KCNIP3: variants seen among roughly 807,000 people sequenced by gnomAD.
KCNIP3 encodes calsenilin.
A neutral mutation model predicts 35.0 loss-of-function variants in KCNIP3; 28 were observed. The ratio of observed to expected loss-of-function variants is 0.80; its 90% CI spans 0.59 to 1.10. The LOEUF is 1.10. KCNIP3 is among the 50% of genes least tolerant of loss of function. KCNIP3 has a pLI of 0.00. For synonymous variants in KCNIP3, 134 were observed against 133.8 expected, an observed-to-expected ratio of 1.00 and a Z score of -0.01; for missense variants, 295 against 338.4, an observed-to-expected ratio of 0.87 and a Z score of 1.01.
intron 1 of KCNIP3, among the ~76,000 whole-genome samples, chr2:95,301,798 G>GGTGGACAGCCCAGCTCTCCT (rs368733698): frequency 2.6e-5 from 4 of 152,274 alleles, no homozygotes; most frequent in South Asian, 2.1e-4. Context: ...TCAGAGCAGG[G>GGTGGACAGCCCAGCTCTCCT]GTGGACAGCC....
chr2:95,375,242 C>CAACCACAGGGGCAGGA, intron 5 of KCNIP3, 34 bp downstream of exon 5: 1 of 1,593,132 alleles, frequency 6.3e-7, no homozygotes. Context: ...ACGTGTCCTG[C>CAACCACAGGGGCAGGA]CCCTGTGGTT....
chr2:95,325,938 CAT>C (rs1678756592), intron 2 of KCNIP3, among the ~76,000 whole-genome samples: 1 of 151,570 alleles, frequency 6.6e-6, no homozygotes, highest in Non-Finnish European at 1.5e-5. Flanking sequence ...TACACATACA[CAT>C]ACACACTCAC....
intron 2 of KCNIP3, among the ~76,000 whole-genome samples, chr2:95,362,685 G>A (rs1470536843): frequency 6.6e-6 from 1 of 152,150 alleles, no homozygotes; most frequent in Non-Finnish European, 1.5e-5. Context: ...AGCTCAGGCA[G>A]GAATGCGAGC....
intron 2 of KCNIP3, among the ~76,000 whole-genome samples, chr2:95,332,001 C>T (rs1573495966): frequency 6.6e-6 from 1 of 152,234 alleles, no homozygotes. Flanking sequence ...GCGGACTTTT[C>T]TGGTCATCCC....
intron 2 of KCNIP3, among the ~76,000 whole-genome samples, chr2:95,352,505 A>G (rs1391746320): frequency 6.6e-6 from 1 of 152,092 alleles, no homozygotes. Context: ...AAGACCCAGC[A>G]CTGGACTTAG....
chr2:95,369,502 T>TCTATAAA (rs1679991109), intron 2 of KCNIP3, among the ~76,000 whole-genome samples: 1 of 152,238 alleles, frequency 6.6e-6, no homozygotes, highest in Admixed American at 6.5e-5. Context: ...TTGTTGAATT[T>TCTATAAA]GTGTGTGAAG....
rs917435027 is a variant in KCNIP3 at position 95,382,736 on chromosome 2, A to G, written c.660+255A>G. 1.3e-5 allele frequency among the ~76,000 whole-genome samples: 2 copies of G among 152,304 alleles called. No homozygotes were observed. Among genetic ancestry groups the G allele is most frequent in the African/African-American group, 4.8e-5 (2 of 41,586 alleles). ...GCAGCTGACCCTGGGCCGGAGCTCC[A>G]TGCCTCCTGAGAGCTGTGTGGCTCC... On this transcript the variant is annotated intron_variant, in intron 7 of 8. Coordinates refer to ENST00000295225, the MANE Select transcript of KCNIP3 (RefSeq NM_013434.5). This position sits in a 1 kb window ranked among gnomAD's most constrained non-coding sequence, Gnocchi z 4.5.
intron 8 of KCNIP3, 104 bp downstream of exon 8, chr2:95,383,398 A>G: frequency 8.6e-7 from 1 of 1,160,638 alleles, no homozygotes; most frequent in Non-Finnish European, 1.3e-6. Flanking sequence ...CACCCCTGCC[A>G]GTCCAGGATG....
intron 1 of KCNIP3, chr2:95,298,914 C>A (rs1247716677): frequency 3.3e-5 from 5 of 152,278 alleles, no homozygotes; most frequent in African/African-American, 1.2e-4. Context: ...CCCTGCATGA[C>A]TACAGAGATG....
chr2:95,326,183 TCATACACA>T (rs1424795600), intron 2 of KCNIP3, among the ~76,000 whole-genome samples: 1 of 147,824 alleles, frequency 6.8e-6, no homozygotes, highest in Non-Finnish European at 1.5e-5. Context: ...ATATACACAG[TCATACACA>T]CATACACGCA....
chr2:95,309,510 G>A (rs1045350398), intron 1 of KCNIP3, among the ~76,000 whole-genome samples: 1 of 149,520 alleles, frequency 6.7e-6, no homozygotes, highest in African/African-American at 2.5e-5. Flanking sequence ...TGTAACCTCC[G>A]TCTCCCGGGC....
intron 2 of KCNIP3, 104 bp downstream of exon 2, chr2:95,310,624 G>C: frequency 8.0e-7 from 1 of 1,253,280 alleles, no homozygotes; most frequent in Non-Finnish European, 1.2e-6. Flanking sequence ...CCCAGCCTGG[G>C]CTACATCGCC....
At chr2:95,308,963 T>C (rs963892589) in intron 1 of KCNIP3, among the ~76,000 whole-genome samples, 2 of 152,196 alleles carry the variant, frequency 1.3e-5, no homozygotes, top group Non-Finnish European at 2.9e-5. Context: ...CCCTGTGACC[T>C]GGGAAGGGTA....
At chr2:95,324,596 C>G (rs1203470628) in intron 2 of KCNIP3, among the ~76,000 whole-genome samples, 1 of 150,672 alleles carries the variant, frequency 6.6e-6, no homozygotes, top group Admixed American at 6.6e-5. Context: ...TTTTTTCATG[C>G]CCTTGCTTTG....
chr2:95,361,938 A>G (rs1679808819), intron 2 of KCNIP3, among the ~76,000 whole-genome samples: 1 of 152,230 alleles, frequency 6.6e-6, no homozygotes, highest in African/African-American at 2.4e-5. Context: ...ACAGAAATGT[A>G]TTTTCTCCCA....
At chr2:95,307,143 G>A (rs1678198249) in intron 1 of KCNIP3, among the ~76,000 whole-genome samples, 1 of 152,204 alleles carries the variant, frequency 6.6e-6, no homozygotes, top group African/African-American at 2.4e-5. Context: ...TCACAGGTGG[G>A]ATTCTGGCCC....
At chr2:95,381,950 G>A (rs527793512) in intron 6 of KCNIP3, among the ~76,000 whole-genome samples, 5 of 152,256 alleles carry the variant, frequency 3.3e-5, no homozygotes, top group Admixed American at 1.3e-4. Flanking sequence ...AAGTGTTCTC[G>A]GTCATACTGT....
At chr2:95,347,177 A>C in intron 2 of KCNIP3, 1 of 1,455,830 alleles carries the variant, frequency 6.9e-7, no homozygotes, top group Non-Finnish European at 9.5e-7. Flanking sequence ...AGTGGTCTGG[A>C]GGGAGGGACC....
chr2:95,308,607 A>G (rs1678236154), intron 1 of KCNIP3, among the ~76,000 whole-genome samples: 1 of 152,022 alleles, frequency 6.6e-6, no homozygotes, highest in Non-Finnish European at 1.5e-5. Flanking sequence ...GCCTCGGGAG[A>G]GGGGCCAGCC....
Sources: allele counts gnomAD v4.1 joint callset (sites outside exome capture counted in the v4.1 genomes callset), GRCh38; gene constraint gnomAD v4.1.1; non-coding constraint Gnocchi (gnomAD v3.1); transcripts MANE v1.5; gene names NCBI Gene and HGNC (gene_info 2026-07-23, HGNC 2026-07-21).